Variants in USP6 observed in about 807,000 individuals in gnomAD.
USP6 encodes ubiquitin specific peptidase 6.
USP6 carries 128 observed loss-of-function variants against 175.7 expected under a neutral mutation model. The observed-to-expected ratio is 0.73, with a 90% CI of 0.63 to 0.84. The LOEUF is 0.84. Ranked by LOEUF, USP6 falls within the 40% of genes least tolerant of loss-of-function variation. The probability of loss-of-function intolerance (pLI) is 0.00; values close to 1 mark genes in which losing one functional copy is unlikely to be tolerated. For missense variants in USP6, 1,498 were observed against 1,760.3 expected (o/e 0.85, Z 2.67); for synonymous variants, 562 against 630.6 (o/e 0.89, Z 1.63).
intron 23 of USP6, 65 bp downstream of exon 23, chr17:5,141,564 A>G: frequency 6.4e-6 from 9 of 1,406,654 alleles, no homozygotes; most frequent in Non-Finnish European, 7.6e-6. Flanking sequence ...TCTTTCAACT[A>G]TTAAAGTGCT....
intron 26 of USP6, among the ~76,000 whole-genome samples, chr17:5,145,124 A>G (rs999469340): frequency 6.6e-6 from 1 of 152,198 alleles, no homozygotes; most frequent in African/African-American, 2.4e-5. Context: ...AGTGGAATTT[A>G]AAGAGTCCCC....
Position 5,139,599 on chromosome 17 carries a change from T to C in USP6, c.1423T>C (p.Trp475Arg), listed in dbSNP as rs8073787. The C allele has an allele frequency of 0.59, 956,519 of 1,613,330 alleles. 293,024 individuals carry two copies. Among genetic ancestry groups the C allele is most frequent in the East Asian group, 0.93 (41,692 of 44,858 alleles). ...TTGGTTCCCCCATTATGATTTTGAA[T>C]GGAGCTGCTGGGTCCGTGCCATATC... ...GPWFPHYDFE[W>R]SCWVRAISQE... Residue 475 changes from tryptophan to arginine, a missense_variant, in exon 22 of 38, where the codon TGG becomes CGG. Trp to Arg is a moderately radical substitution (Grantham distance 101, BLOSUM62 -3). Coordinates refer to ENST00000574788, the MANE Select transcript of USP6 (RefSeq NM_001304284.2).
chr17:5,158,147 A>G (rs1405110739), intron 31 of USP6, among the ~76,000 whole-genome samples: 1 of 152,216 alleles, frequency 6.6e-6, no homozygotes, highest in Admixed American at 6.5e-5. Context: ...AAGCCCTGAG[A>G]CCAGATGATT....
chr17:5,140,357 G>A (rs930586133), intron 22 of USP6, among the ~76,000 whole-genome samples: 49 of 152,126 alleles, frequency 3.2e-4, no homozygotes, highest in African/African-American at 1.1e-3. Flanking sequence ...GTTCACTTGA[G>A]TCTAGAAGTC....
chr17:5,172,127 A>AT (rs2074233138), intron 37 of USP6, among the ~76,000 whole-genome samples: 1 of 150,218 alleles, frequency 6.7e-6, no homozygotes, highest in Non-Finnish European at 1.5e-5. Context: ...GTGAGCCAAG[A>AT]CTGCACCACT....
intron 31 of USP6, among the ~76,000 whole-genome samples, chr17:5,155,953 G>A (rs1043200583): frequency 2.0e-5 from 3 of 152,124 alleles, no homozygotes; most frequent in African/African-American, 7.2e-5. Flanking sequence ...CTTCTGTGTT[G>A]CAGAAGTAGA....
chr17:5,152,650 T>C (rs1313712126), intron 30 of USP6, among the ~76,000 whole-genome samples: 3 of 152,328 alleles, frequency 2.0e-5, no homozygotes, highest in Admixed American at 6.5e-5. Flanking sequence ...TTTGTAGTTA[T>C]ATCCAGTATA....
intron 31 of USP6, among the ~76,000 whole-genome samples, chr17:5,157,378 G>A (rs777656441): frequency 1.3e-5 from 2 of 152,054 alleles, no homozygotes; most frequent in Non-Finnish European, 2.9e-5. Flanking sequence ...GAGCCATCGC[G>A]CCCAGCCAAA....
Position 5,145,527 on chromosome 17 carries a change from T to G in USP6, c.2115T>G (p.Asn705Lys). The change falls in exon 27 of 38, where the codon AAT (asparagine) becomes AAG (lysine). Residue 705 changes from asparagine to lysine, a missense_variant. Asn to Lys is a moderately conservative substitution (Grantham distance 94, BLOSUM62 0). Coordinates refer to ENST00000574788, the MANE Select transcript of USP6 (RefSeq NM_001304284.2). ...TAAGTGTCCGATTTGACCCTTTCAA[T>G]TTTTTGTCTTTGCCACTACCAATGG... ...GHISVRFDPF[N>K]FLSLPLPMDS... 1.2e-6 allele frequency: 2 copies of G among 1,611,488 alleles called. No individual in the cohort carries two copies. The highest frequency in any genetic ancestry group is 1.7e-6 in the Non-Finnish European group (2 of 1,178,938).
At chr17:5,146,745 C>G (rs1400992585) in intron 28 of USP6, among the ~76,000 whole-genome samples, 1 of 152,120 alleles carries the variant, frequency 6.6e-6, no homozygotes, top group African/African-American at 2.4e-5. Flanking sequence ...TTTCTGAACA[C>G]ACTCTCACCT....
intron 35 of USP6, among the ~76,000 whole-genome samples, chr17:5,170,221 C>G (rs1193565375): frequency 6.6e-6 from 1 of 152,154 alleles, no homozygotes; most frequent in Non-Finnish European, 1.5e-5. Context: ...AAATCATAAT[C>G]ATCTTTCTGC....
intron 31 of USP6, among the ~76,000 whole-genome samples, chr17:5,157,171 C>T (rs2073901806): frequency 6.6e-6 from 1 of 152,114 alleles, no homozygotes; most frequent in Non-Finnish European, 1.5e-5. Context: ...ACGCAACCTC[C>T]ACCTCCCGGG....
intron 7 of USP6, chr17:5,128,651 G>A (rs2071456): frequency 0.1 from 15,613 of 152,560 alleles, 1,743 homozygotes; most frequent in South Asian, 0.48. Context: ...ACATGTGCAC[G>A]CATGTGCACA....
At chr17:5,152,056 A>G (rs928349248) in intron 30 of USP6, among the ~76,000 whole-genome samples, 1 of 152,158 alleles carries the variant, frequency 6.6e-6, no homozygotes, top group Non-Finnish European at 1.5e-5. Context: ...AGCCTGGCCA[A>G]TATGGTGAAA....
At chr17:5,156,591 C>T (rs751386653) in intron 31 of USP6, among the ~76,000 whole-genome samples, 3 of 152,126 alleles carry the variant, frequency 2.0e-5, no homozygotes, top group Non-Finnish European at 2.9e-5. Context: ...CAGGCGTGAG[C>T]CACCTCACCC....
At chr17:5,121,800 C>G (rs751449884) in intron 4 of USP6, 50 bp downstream of exon 4, 1 of 153,322 alleles carries the variant, frequency 6.5e-6, no homozygotes, top group Non-Finnish European at 1.5e-5. Flanking sequence ...GCCCACTTCA[C>G]CTAGGAAGAA....
chr17:5,140,041 GCCCAGCCCCATCCCAGCACC>G (rs1485620635), intron 22 of USP6, among the ~76,000 whole-genome samples: 1 of 151,878 alleles, frequency 6.6e-6, no homozygotes, highest in Non-Finnish European at 1.5e-5. Context: ...AGCCAACCAT[GCCCAGCCCCATCCCAGCACC>G]CCCAGCCCCA....
Position 5,139,727 on chromosome 17 carries a change from C to T in USP6, c.1498+53C>T. 1.3e-6 allele frequency: 2 copies of T among 1,598,244 alleles called. 1 individual carries two copies. The highest frequency in any genetic ancestry group is 2.2e-5 in the South Asian group (2 of 91,010). The stretch of plus-strand genomic sequence containing the variant: ...CACAATGTGGGCATGGACTTCCCGG[C>T]CCTGCAGTGCACCCAGCACTGATTC... On this transcript the variant is annotated intron_variant, in intron 22 of 37. Coordinates refer to ENST00000574788, the MANE Select transcript of USP6 (RefSeq NM_001304284.2).
At position 5,145,543 on chromosome 17, in the gene USP6, C is replaced by T. The variant is rs151063935; in HGVS notation, c.2131C>T (p.Leu711=). 2,565 of 1,611,102 alleles carry T rather than the reference C, an allele frequency of 1.6e-3. 6 individuals are homozygous for T. Among genetic ancestry groups the T allele is most frequent in the Non-Finnish European group, 2.1e-3 (2,441 of 1,178,914 alleles). ...FDPFNFLSLP[L]PMDSYMDLEI... Reference sequence around the variant, plus strand: ...CCCTTTCAATTTTTTGTCTTTGCCACTACCAATGGACAGTTACATGGACTT... The same window carrying T: ...CCCTTTCAATTTTTTGTCTTTGCCATTACCAATGGACAGTTACATGGACTT... Residue 711 remains leucine, a synonymous_variant, in exon 27 of 38, where the codon CTA becomes TTA. Transcript: ENST00000574788.
Sources: gnomAD v4.1 joint callset for allele counts (sites outside exome capture counted in the v4.1 genomes callset) on GRCh38, gnomAD v4.1.1 for gene constraint, MANE v1.5 for transcripts, NCBI Gene and HGNC (gene_info 2026-07-23, HGNC 2026-07-21) for gene names.